The following COBL variants were observed in gnomAD, a reference collection of about 807,000 sequenced individuals.
COBL encodes the protein cordon-bleu WH2 repeat protein.
A neutral mutation model predicts 98.8 loss-of-function variants in COBL; 51 were observed. The observed-to-expected ratio is 0.52, with a 90% CI of 0.41 to 0.65. The LOEUF is 0.65. Ranked by LOEUF, COBL falls within the 30% of genes least tolerant of loss-of-function variation. The pLI, the probability that COBL is intolerant of heterozygous loss-of-function variation, is 0.00. For missense variants in COBL, 1,617 were observed against 1,617.5 expected (o/e 1.00, Z 0.01); for synonymous variants, 634 against 651.7 (o/e 0.97, Z 0.41).
At chr7:51,192,767 T>C (rs1398428163) in intron 3 of COBL, among the ~76,000 whole-genome samples, 1 of 152,246 alleles carries the variant, frequency 6.6e-6, no homozygotes, top group Non-Finnish European at 1.5e-5. Flanking sequence ...TTTTTTTCCC[T>C]TTCTTTTCTC....
intron 1 of COBL, among the ~76,000 whole-genome samples, chr7:51,271,761 G>C (rs374375271): frequency 6.6e-6 from 1 of 152,160 alleles, no homozygotes; most frequent in Non-Finnish European, 1.5e-5. Flanking sequence ...CGGACACAGT[G>C]GCTCACACCT....
rs551872792 is a variant in COBL, at chr7:51,054,377, G to A, written c.1097-10685C>T. ...CCACTGGGTTGGCCCCACAGTTCCC[G>A]TTTTGCTGTGCAGGCCTCTTCACGC... On this transcript the variant is annotated intron_variant, in intron 7 of 12. Transcript: ENST00000265136. Among the ~76,000 whole-genome samples, 25 of 152,228 alleles carry A rather than the reference G, an allele frequency of 1.6e-4. 1 individual carries two copies. In the South Asian group the frequency reaches 5.0e-3, roughly 30 times the overall value.
intron 4 of COBL, among the ~76,000 whole-genome samples, chr7:51,187,310 G>GTATATATATATATATATATA (rs67807746): frequency 7.2e-6 from 1 of 138,428 alleles, no homozygotes; most frequent in Admixed American, 7.4e-5. Context: ...ATATGTTTAA[G>GTATATATATATATATATATA]TATATATATA....
At chr7:51,120,668 T>G (rs773053941) in intron 6 of COBL, among the ~76,000 whole-genome samples, 9 of 151,912 alleles carry the variant, frequency 5.9e-5, no homozygotes, top group Non-Finnish European at 1.3e-4. Context: ...GCAACCATCA[T>G]CCTACTTTTT....
chr7:51,101,419 T>C (rs1223505370), intron 6 of COBL, among the ~76,000 whole-genome samples: 1 of 152,190 alleles, frequency 6.6e-6, no homozygotes, highest in Non-Finnish European at 1.5e-5. Context: ...TTTTACTATA[T>C]CTATTTTTAT....
At chr7:51,206,503 A>AAAAAAAAG (rs1253380401) in intron 2 of COBL, among the ~76,000 whole-genome samples, 1 of 152,038 alleles carries the variant, frequency 6.6e-6, no homozygotes, top group Non-Finnish European at 1.5e-5. Context: ...AAAAAAAAAA[A>AAAAAAAAG]AAAGAAAGAA....
chr7:51,220,997 C>T (rs909518205), intron 1 of COBL, among the ~76,000 whole-genome samples: 1 of 152,054 alleles, frequency 6.6e-6, no homozygotes, highest in Non-Finnish European at 1.5e-5. Context: ...ATTTTATTGT[C>T]GTGGTAGCAG....
intron 2 of COBL, among the ~76,000 whole-genome samples, chr7:51,212,961 G>A (rs1203336962): frequency 6.6e-6 from 1 of 152,234 alleles, no homozygotes; most frequent in Non-Finnish European, 1.5e-5. Context: ...TATGTGTTAA[G>A]TAAATAGGTA....
At chr7:51,203,298 T>G (rs1029006585) in intron 2 of COBL, among the ~76,000 whole-genome samples, 1 of 118,740 alleles carries the variant, frequency 8.4e-6, no homozygotes, top group African/African-American at 4.0e-5. Flanking sequence ...CCGTCTCTAC[T>G]AAAAATACAA....
chr7:51,165,297 C>T (rs966341207), intron 5 of COBL, among the ~76,000 whole-genome samples: 5 of 151,468 alleles, frequency 3.3e-5, no homozygotes, highest in Non-Finnish European at 7.4e-5. Flanking sequence ...CCAATGGAAA[C>T]CAAAAAAAGA....
chr7:51,026,652 G>C lies in COBL; in HGVS notation c.3398C>G (p.Thr1133Ser). ...KDRLRKTAEH[T>S]GEGRPAKLSY... ...CAGTTTCGCTGGCCTGCCCTCCCCG[G>C]TGTGTTCTGCCGTCTAGAATATTAA... Residue 1133 changes from threonine (T) to serine (S), a missense_variant, in exon 11 of 13, where the codon ACC becomes AGC. By Grantham distance (58) the Thr-to-Ser change is moderately conservative. Coordinates refer to ENST00000265136, the MANE Select transcript of COBL (RefSeq NM_015198.5). The C allele has an allele frequency of 6.2e-7, 1 of 1,613,946 alleles. No homozygotes were observed. Among genetic ancestry groups the C allele is most frequent in the Non-Finnish European group, 8.5e-7 (1 of 1,179,968 alleles).
intron 6 of COBL, among the ~76,000 whole-genome samples, chr7:51,127,565 T>C (rs1798332132): frequency 6.6e-6 from 1 of 152,008 alleles, no homozygotes; most frequent in Non-Finnish European, 1.5e-5. Flanking sequence ...GGGAACAGAG[T>C]GTACGGTGGC....
At chr7:51,206,307 C>A (rs1053495590) in intron 2 of COBL, among the ~76,000 whole-genome samples, 1 of 152,028 alleles carries the variant, frequency 6.6e-6, no homozygotes, top group African/African-American at 2.4e-5. Flanking sequence ...GCCTGGCCAA[C>A]AACACAAAAC....
intron 6 of COBL, 136 bp from the exon 7 acceptor site, chr7:51,085,440 C>T (rs935028311): frequency 3.1e-6 from 3 of 957,824 alleles, no homozygotes; most frequent in South Asian, 1.7e-5. Context: ...TGTTAGATGG[C>T]CAGTTCCCTT....
chr7:51,048,452 T>C (rs1459054408), intron 7 of COBL, among the ~76,000 whole-genome samples: 1 of 152,144 alleles, frequency 6.6e-6, no homozygotes, highest in Non-Finnish European at 1.5e-5. Flanking sequence ...CATTTAAAAA[T>C]ATAAACAAAG....
chr7:51,266,841 T>A (rs1798259030), intron 1 of COBL, among the ~76,000 whole-genome samples: 1 of 152,048 alleles, frequency 6.6e-6, no homozygotes, highest in Non-Finnish European at 1.5e-5. Flanking sequence ...CAATTCAGGG[T>A]TGGGAGGAGT....
chr7:51,284,672 C>A (rs960379704), intron 1 of COBL, among the ~76,000 whole-genome samples: 1 of 150,724 alleles, frequency 6.6e-6, no homozygotes, highest in South Asian at 2.1e-4. Context: ...ACTAAAAATA[C>A]AAAAATTAGC....
At chr7:51,189,431 C>T (rs1396245335) in intron 4 of COBL, among the ~76,000 whole-genome samples, 3 of 152,086 alleles carry the variant, frequency 2.0e-5, no homozygotes, top group Non-Finnish European at 4.4e-5. Flanking sequence ...GTCAGGAGTT[C>T]GAGACCAGCC....
At chr7:51,236,200 C>A (rs191465251) in intron 1 of COBL, among the ~76,000 whole-genome samples, 89 of 152,252 alleles carry the variant, frequency 5.8e-4, no homozygotes, top group Non-Finnish European at 9.8e-4. Context: ...AGAGCCCTTA[C>A]AAGGAGTGCT....
Sources: gnomAD v4.1 joint callset for allele counts (sites outside exome capture counted in the v4.1 genomes callset) on GRCh38, gnomAD v4.1.1 for gene constraint, MANE v1.5 for transcripts, NCBI Gene and HGNC (gene_info 2026-07-23, HGNC 2026-07-21) for gene names.